Variants in VAPB observed in about 807,000 individuals in gnomAD.
VAPB encodes the protein VAMP associated protein B and C.
A neutral mutation model predicts 25.6 loss-of-function variants in VAPB; 7 were observed. That is an observed-to-expected ratio of 0.27 (90% confidence interval 0.16 to 0.51). The LOEUF is 0.51. Among genes scored for constraint, VAPB ranks in the 20% least tolerant of loss-of-function variants. The pLI, the probability that VAPB is intolerant of heterozygous loss-of-function variation, is 0.97. For synonymous variants in VAPB, 112 were observed against 109.2 expected (o/e 1.03, Z -0.16); for missense variants, 266 against 301.3 (o/e 0.88, Z 0.87).
At chr20:58,441,343 AC>A (rs1989157038) in intron 5 of VAPB, among the ~76,000 whole-genome samples, 1 of 151,978 alleles carries the variant, frequency 6.6e-6, no homozygotes, top group Non-Finnish European at 1.5e-5. Flanking sequence ...AAAAAAAAAA[AC>A]AAAAACAAAA....
At chr20:58,417,078 C>T (rs1421992220) in intron 1 of VAPB, among the ~76,000 whole-genome samples, 1 of 152,154 alleles carries the variant, frequency 6.6e-6, no homozygotes, top group Non-Finnish European at 1.5e-5. Flanking sequence ...TGTTTCCTTG[C>T]AAATGCAAAG....
chr20:58,423,218 C>T (rs1988703959), intron 2 of VAPB, among the ~76,000 whole-genome samples: 1 of 151,734 alleles, frequency 6.6e-6, no homozygotes, highest in South Asian at 2.1e-4. Flanking sequence ...TCGAGACCAT[C>T]CTGACCAACA....
Position 58,449,647 on chromosome 20 carries a change from G to A in VAPB, c.*5412G>A, listed in dbSNP as rs1426330152. Reference sequence around the variant, plus strand: ...AATAAAACAGTACTGTGGGAGAATCGCTTTCTGCTGCTAGATAAATGCTGA... The same window carrying A: ...AATAAAACAGTACTGTGGGAGAATCACTTTCTGCTGCTAGATAAATGCTGA... On this transcript the variant is annotated 3_prime_UTR_variant, in exon 6 of 6. Transcript: ENST00000475243. The A allele has an allele frequency of 1.3e-5, 6 of 453,956 alleles. No individual in the cohort carries two copies. The highest frequency in any genetic ancestry group is 2.2e-5 in the Non-Finnish European group (5 of 226,700). The allele number at this position is 453,956 out of a possible 1,614,324, so 28.1% of individuals were successfully genotyped here.
chr20:58,442,861 G>A (rs941657720), intron 5 of VAPB, among the ~76,000 whole-genome samples: 5 of 152,170 alleles, frequency 3.3e-5, no homozygotes, highest in Admixed American at 6.5e-5. Context: ...CTAGGTACTC[G>A]GGCGGATGGG....
At chr20:58,441,666 A>G (rs529619487) in intron 5 of VAPB, among the ~76,000 whole-genome samples, 5 of 152,302 alleles carry the variant, frequency 3.3e-5, no homozygotes, top group Middle Eastern at 3.4e-3. Context: ...CAAAACCCCA[A>G]ACAACTCAAA....
chr20:58,413,569 T>G (rs1180748821), intron 1 of VAPB, among the ~76,000 whole-genome samples: 1 of 152,036 alleles, frequency 6.6e-6, no homozygotes, highest in Non-Finnish European at 1.5e-5. Flanking sequence ...ATGGCAACCA[T>G]CCGATTTCTC....
intron 2 of VAPB, among the ~76,000 whole-genome samples, chr20:58,423,300 A>G (rs1366254386): frequency 6.6e-6 from 1 of 151,466 alleles, no homozygotes. Context: ...AATCCCAGCT[A>G]CTCATGAAGG....
At chr20:58,415,419 T>G (rs1043207307) in intron 1 of VAPB, among the ~76,000 whole-genome samples, 3 of 152,216 alleles carry the variant, frequency 2.0e-5, no homozygotes, top group Admixed American at 6.5e-5. Flanking sequence ...GAGTAACAGT[T>G]TCAAAGAGTA....
intron 5 of VAPB, among the ~76,000 whole-genome samples, chr20:58,443,057 A>G (rs1305742073): frequency 6.6e-6 from 1 of 152,196 alleles, no homozygotes; most frequent in Non-Finnish European, 1.5e-5. Context: ...GGCATCATAG[A>G]TCTACATAGT....
chr20:58,391,501 C>G (rs1225418915), intron 1 of VAPB, among the ~76,000 whole-genome samples: 1 of 151,360 alleles, frequency 6.6e-6, no homozygotes, highest in African/African-American at 2.4e-5. Context: ...GGCACAAACA[C>G]TGAGATGACT....
At chr20:58,439,606 T>C (rs1989118920) in intron 4 of VAPB, 1 of 158,222 alleles carries the variant, frequency 6.3e-6, no homozygotes, top group African/African-American at 2.4e-5. Context: ...GCCCTCTTGA[T>C]ACTGGTAGTA....
intron 1 of VAPB, among the ~76,000 whole-genome samples, chr20:58,412,977 ACCTGACCTCTT>A: frequency 6.6e-6 from 1 of 152,250 alleles, no homozygotes; most frequent in Admixed American, 6.5e-5. Flanking sequence ...AACACCTGGA[ACCTGACCTCTT>A]CATGTTGTGC....
At chr20:58,395,618 TAAAAC>T (rs750843850) in intron 1 of VAPB, among the ~76,000 whole-genome samples, 2 of 152,190 alleles carry the variant, frequency 1.3e-5, no homozygotes, top group Non-Finnish European at 2.9e-5. Flanking sequence ...TTTAATAAAA[TAAAAC>T]AAAAGCCTTT....
chr20:58,394,881 ATAAT>A (rs1987908736), intron 1 of VAPB, among the ~76,000 whole-genome samples: 1 of 152,258 alleles, frequency 6.6e-6, no homozygotes, highest in Middle Eastern at 3.2e-3. Flanking sequence ...ATTTACTAAA[ATAAT>A]TAGTCTGAAT....
intron 1 of VAPB, among the ~76,000 whole-genome samples, chr20:58,414,766 C>T (rs908004906): frequency 2.0e-5 from 3 of 152,094 alleles, no homozygotes; most frequent in East Asian, 3.9e-4. Context: ...GAGGGGCTCC[C>T]CACATCCCAG....
intron 2 of VAPB, among the ~76,000 whole-genome samples, chr20:58,428,532 G>A (rs947952248): frequency 1.3e-5 from 2 of 152,070 alleles, no homozygotes; most frequent in African/African-American, 4.8e-5. Context: ...GGCACCTATA[G>A]TCCTAGCTAC....
chr20:58,416,611 T>C (rs911330708), intron 1 of VAPB, among the ~76,000 whole-genome samples: 2 of 152,128 alleles, frequency 1.3e-5, no homozygotes, highest in African/African-American at 4.8e-5. Flanking sequence ...AATATGCACA[T>C]GAGTAACGTT....
Position 58,441,052 on chromosome 20 carries a change from A to T in VAPB, c.542A>T (p.Gln181Leu). The change falls in exon 5 of 6, where the codon CAG becomes CTG. Residue 181 changes from glutamine (Q) to leucine (L), a missense_variant. Transcript: ENST00000475243. ...EECKRLQGEV[Q>L]RLREENKQFK... Reference sequence around the variant, plus strand: ...TGTAAGAGGCTGCAAGGTGAAGTTCAGAGGCTACGGGAGGAGAACAAGCAG... The same window carrying T: ...TGTAAGAGGCTGCAAGGTGAAGTTCTGAGGCTACGGGAGGAGAACAAGCAG... 1.9e-6 allele frequency: 3 copies of T among 1,614,142 alleles called. No homozygotes were observed. The highest frequency in any genetic ancestry group is 2.5e-6 in the Non-Finnish European group (3 of 1,180,010).
intron 3 of VAPB, 43 bp downstream of exon 3, chr20:58,434,748 T>TA: frequency 1.0e-6 from 1 of 965,832 alleles, no homozygotes; most frequent in South Asian, 1.3e-5. Context: ...AACAATAATT[T>TA]AAAAAACCAA....
Sources: gnomAD v4.1 joint callset for allele counts (sites outside exome capture counted in the v4.1 genomes callset) on GRCh38, gnomAD v4.1.1 for gene constraint, MANE v1.5 for transcripts, NCBI Gene and HGNC (gene_info 2026-07-23, HGNC 2026-07-21) for gene names.